The following C7orf57 variants were observed in gnomAD, a reference collection of about 807,000 sequenced individuals.
The protein encoded by C7orf57 is chromosome 7 open reading frame 57.
Under a neutral mutation model 39.0 loss-of-function variants are expected in C7orf57, and 33 were observed. The ratio of observed to expected loss-of-function variants is 0.85; its 90% CI spans 0.64 to 1.13. The LOEUF (loss-of-function observed/expected upper bound fraction) is 1.13, where lower values mean the gene tolerates loss of function less well. C7orf57 is among the 50% of genes most tolerant of loss of function. The pLI is 0.00. For synonymous variants in C7orf57, 124 were observed against 137.1 expected (o/e 0.90, Z 0.67); for missense variants, 346 against 362.3 (o/e 0.95, Z 0.37).
At position 48,046,537 on chromosome 7, in the gene C7orf57, C is replaced by A. The variant is rs1056623485; in HGVS notation, c.428C>A (p.Ser143Tyr). ...GATCAAGCCAATGGTAGCTATGCATCCAGAAGAGGGCCCTTCGACTTCGAC... is the reference window on the plus strand; with the variant it reads ...GATCAAGCCAATGGTAGCTATGCATACAGAAGAGGGCCCTTCGACTTCGAC... The part of the protein sequence containing the change: ...NPDQANGSYA[S>Y]RRGPFDFDMK... The change falls in exon 5 of 9, where the codon TCC becomes TAC. Residue 143 changes from serine to tyrosine, a missense_variant. Coordinates refer to ENST00000348904, the MANE Select transcript of C7orf57 (RefSeq NM_001100159.3). The A allele has an allele frequency of 3.1e-6, 5 of 1,613,740 alleles. No individual in the cohort carries two copies. In the African/African-American group the frequency reaches 6.7e-5, roughly 22 times the overall value.
chr7:48,059,335 C>G (rs1211119067), intron 8 of C7orf57, among the ~76,000 whole-genome samples: 1 of 152,134 alleles, frequency 6.6e-6, no homozygotes, highest in Non-Finnish European at 1.5e-5. Flanking sequence ...TTTCTGGAGA[C>G]TAATCTTGTC....
chr7:48,039,331 T>C (rs2128790217), intron 2 of C7orf57, among the ~76,000 whole-genome samples: 1 of 152,294 alleles, frequency 6.6e-6, no homozygotes, highest in African/African-American at 2.4e-5. Context: ...GTTTTTTCAG[T>C]CTTAAGATCT....
At position 48,052,749 on chromosome 7, in the gene C7orf57, A is replaced by G; in HGVS notation, c.655A>G (p.Asn219Asp). The G allele has an allele frequency of 6.2e-7, 1 of 1,614,046 alleles. No individual in the cohort carries two copies. Among genetic ancestry groups the G allele is most frequent in the East Asian group, 2.2e-5 (1 of 44,880 alleles). The change falls in exon 7 of 9, where the codon AAT becomes GAT. Residue 219 changes from asparagine (N) to aspartate (D), a missense_variant. By Grantham distance (23) the Asn-to-Asp change is conservative (BLOSUM62 1). Transcript: ENST00000348904. ...TACCAATTTTTCCAAACTCATTAGC[A>G]ATGGTTATAAGGATGAGTGGTTGCA... ...SPTNFSKLIS[N>D]GYKDEWLQQQ...
rs1658192018 is a variant in C7orf57, at chr7:48,060,660, AG to A, written c.*389del. 6.4e-6 allele frequency: 1 copy of A among 156,268 alleles called. No individual in the cohort carries two copies. Among genetic ancestry groups the A allele is most frequent in the African/African-American group, 2.4e-5 (1 of 41,634 alleles). The allele number at this position is 156,268 out of a possible 1,614,324, so 9.7% of individuals were successfully genotyped here. A position where few individuals can be genotyped will look rare whatever the true frequency, so the allele number is the denominator to read the frequency against. ...AGGTGTTAAGCCTTTTCCAATATTT[AG>A]TATTGTAGTCTTCATAGAAATCATT... On this transcript the variant is annotated 3_prime_UTR_variant, in exon 9 of 9. Transcript: ENST00000348904.
Position 48,052,749 on chromosome 7 carries a change from A to C in C7orf57, c.655A>C (p.Asn219His). Reference sequence around the variant, plus strand: ...TACCAATTTTTCCAAACTCATTAGCAATGGTTATAAGGATGAGTGGTTGCA... The same window carrying C: ...TACCAATTTTTCCAAACTCATTAGCCATGGTTATAAGGATGAGTGGTTGCA... ...SPTNFSKLISNGYKDEWLQQQ... is the reference protein window; with the variant it reads ...SPTNFSKLISHGYKDEWLQQQ... Residue 219 changes from asparagine to histidine, a missense_variant, in exon 7 of 9, where the codon AAT (asparagine) becomes CAT (histidine). Coordinates refer to ENST00000348904, the MANE Select transcript of C7orf57 (RefSeq NM_001100159.3). 1.2e-6 allele frequency: 2 copies of C among 1,614,046 alleles called. No homozygotes were observed. Among genetic ancestry groups the C allele is most frequent in the Non-Finnish European group, 1.7e-6 (2 of 1,179,898 alleles).
rs1790612243 is a variant in C7orf57 at position 48,043,481 on chromosome 7, A to G, written c.242A>G (p.Asp81Gly). The G allele has an allele frequency of 6.2e-7, 1 of 1,612,630 alleles. No homozygotes were observed. The highest frequency in any genetic ancestry group is 1.3e-5 in the African/African-American group (1 of 74,824). ...CAGCCATGTCATTTTCTCTTTTGAG[A>G]TTTGTTGAAGCACTTTGCCCCTGGA... ...VKLAKQGGRPDLLKHFAPGTR... is the reference protein window; with the variant it reads ...VKLAKQGGRPGLLKHFAPGTR... The change falls in exon 4 of 9, where the codon GAT becomes GGT. Residue 81 changes from aspartate to glycine, a missense_variant and splice_region_variant. Physicochemically the swap from Asp to Gly is moderately conservative, Grantham distance 94. Transcript: ENST00000348904.
intron 2 of C7orf57, among the ~76,000 whole-genome samples, chr7:48,037,682 T>C (rs1284390771): frequency 6.6e-6 from 1 of 152,198 alleles, no homozygotes; most frequent in Non-Finnish European, 1.5e-5. Flanking sequence ...AAATGACTGA[T>C]ATTGTACAAG....
chr7:48,060,191 T>C (rs199678617), intron 8 of C7orf57, 35 bp from the exon 9 acceptor site: 3 of 1,402,660 alleles, frequency 2.1e-6, no homozygotes, highest in East Asian at 5.0e-5. Context: ...GAAAATGTCA[T>C]CTTTGTCTAC....
chr7:48,050,728 AGT>A (rs1329832138), intron 6 of C7orf57, among the ~76,000 whole-genome samples: 1 of 152,196 alleles, frequency 6.6e-6, no homozygotes, highest in Non-Finnish European at 1.5e-5. Flanking sequence ...AAGCATTAGG[AGT>A]GGCCTTGATA....
chr7:48,047,836 A>T (rs1790760529), intron 5 of C7orf57, among the ~76,000 whole-genome samples: 1 of 152,036 alleles, frequency 6.6e-6, no homozygotes, highest in African/African-American at 2.4e-5. Flanking sequence ...CCGAGTAGCT[A>T]GGTCTACAGG....
intron 6 of C7orf57, 69 bp from the exon 7 acceptor site, chr7:48,052,631 C>T (rs1287661516): frequency 1.8e-5 from 25 of 1,362,172 alleles, no homozygotes; most frequent in South Asian, 2.5e-5. Flanking sequence ...GGTGTGTTCA[C>T]GGAATACTGC....
Position 48,048,431 on chromosome 7 carries a change from G to A in C7orf57, c.508-1449G>A, listed in dbSNP as rs138213733. ...TTGCCTGTTGGTTACCAGCATTCAT[G>A]GGGGTCTTGCTCACCTACAGGGTGA... On this transcript the variant is annotated intron_variant, in intron 5 of 8. Coordinates refer to ENST00000348904, the MANE Select transcript of C7orf57 (RefSeq NM_001100159.3). 5.9e-3 allele frequency among the ~76,000 whole-genome samples: 892 copies of A among 152,258 alleles called. 4 individuals are homozygous for A. The highest frequency in any genetic ancestry group is 0.027 in the Middle Eastern group (8 of 294).
chr7:48,041,462 T>C lies in C7orf57; in HGVS notation c.184T>C (p.Trp62Arg), dbSNP rs535963970. 32 of 1,613,694 alleles carry C rather than the reference T, an allele frequency of 2.0e-5. No homozygotes were observed. In the East Asian group the frequency reaches 6.7e-4, roughly 34 times the overall value. Residue 62 changes from tryptophan (W) to arginine (R), a missense_variant, in exon 3 of 9, where the codon TGG becomes CGG. By Grantham distance (101) the Trp-to-Arg change is moderately radical (BLOSUM62 -3). Transcript: ENST00000348904. ...GAACCTGCCTGGGACTCGGAGATAC[T>C]GGATAAAAGAAACAGATTCGGAATA... ...SENLPGTRRYWIKETDSEYVK... is the reference protein window; with the variant it reads ...SENLPGTRRYRIKETDSEYVK...
At chr7:48,038,660 G>T (rs374291182) in intron 2 of C7orf57, among the ~76,000 whole-genome samples, 1 of 152,150 alleles carries the variant, frequency 6.6e-6, no homozygotes, top group Non-Finnish European at 1.5e-5. Context: ...ATTTAAAGAG[G>T]TTTATTCTAA....
chr7:48,060,471 G>A lies in C7orf57; in HGVS notation c.*199G>A. 2.2e-6 allele frequency: 1 copy of A among 444,706 alleles called. No homozygotes were observed. Among genetic ancestry groups the A allele is most frequent in the Admixed American group, 3.7e-5 (1 of 26,960 alleles). 27.5% of individuals were successfully genotyped at this position (444,706 alleles called of 1,614,324 possible). On this transcript the variant is annotated 3_prime_UTR_variant, in exon 9 of 9. Transcript: ENST00000348904. The stretch of plus-strand genomic sequence containing the variant: ...TGTTTCTTGCATTTCTCTGGGATGT[G>A]AAACACTTGGCTAACAAACACAACT...
At chr7:48,053,144 G>A (rs1328157474) in intron 7 of C7orf57, 8 of 656,170 alleles carry the variant, frequency 1.2e-5, no homozygotes, top group Non-Finnish European at 1.7e-5. Context: ...CATGACTTTT[G>A]GGGTTTCACA....
intron 2 of C7orf57, among the ~76,000 whole-genome samples, chr7:48,039,396 A>T (rs1470305781): frequency 6.6e-6 from 1 of 152,064 alleles, no homozygotes; most frequent in African/African-American, 2.4e-5. Flanking sequence ...GAAGGAGGGT[A>T]TAAGGAGGCA....
chr7:48,043,249 G>T (rs1790603709), intron 3 of C7orf57, among the ~76,000 whole-genome samples: 1 of 152,164 alleles, frequency 6.6e-6, no homozygotes, highest in African/African-American at 2.4e-5. Context: ...CAAAGAGTGA[G>T]ATGTGGGGAG....
Position 48,049,030 on chromosome 7 carries a change from C to G in C7orf57, c.508-850C>G, listed in dbSNP as rs77524652. Among the ~76,000 whole-genome samples, 12 of 152,254 alleles carry G rather than the reference C, an allele frequency of 7.9e-5. No individual in the cohort carries two copies. The East Asian group carries it at 2.3e-3, about 29-fold the overall frequency. On this transcript the variant is annotated intron_variant, in intron 5 of 8. Coordinates refer to ENST00000348904, the MANE Select transcript of C7orf57 (RefSeq NM_001100159.3). Reference sequence around the variant, plus strand: ...AGATGCCAGGCCCGAGTTAACCCCCCTCCGGGCTGAAAGATGTCTGCACCA... The same window carrying G: ...AGATGCCAGGCCCGAGTTAACCCCCGTCCGGGCTGAAAGATGTCTGCACCA...
Sources: gnomAD v4.1 joint callset for allele counts (sites outside exome capture counted in the v4.1 genomes callset) on GRCh38, gnomAD v4.1.1 for gene constraint, MANE v1.5 for transcripts, NCBI Gene and HGNC (gene_info 2026-07-23, HGNC 2026-07-21) for gene names.